Variants in NHSL2 observed in about 807,000 individuals in gnomAD.
The protein encoded by NHSL2 is NHS like 2, also known as NHS-like protein 2.
NHSL2 carries 27 observed loss-of-function variants against 53.4 expected under a neutral mutation model. That is an observed-to-expected ratio of 0.51 (90% CI 0.37 to 0.70). The LOEUF is 0.70. Among genes scored for constraint, NHSL2 ranks in the 30% least tolerant of loss-of-function variants. The pLI is 0.00. For synonymous variants in NHSL2, 408 were observed against 404.1 expected, an observed-to-expected ratio of 1.01 and a Z score of -0.12; for missense variants, 892 against 980.1, an observed-to-expected ratio of 0.91 and a Z score of 1.20.
At chrX:71,984,055 A>T (rs2041992277) in intron 1 of NHSL2, among the ~76,000 whole-genome samples, 1 of 111,257 alleles carries the variant, frequency 9.0e-6, no homozygotes, top group Admixed American at 9.5e-5. Context: ...TGTGGTTCAA[A>T]CACCTCTGAC....
At chrX:71,975,522 C>G in intron 1 of NHSL2, among the ~76,000 whole-genome samples, 1 of 111,234 alleles carries the variant, frequency 9.0e-6, no homozygotes, top group Admixed American at 9.6e-5. Context: ...CCCGTGATAC[C>G]CTCCTTTCCT....
At chrX:72,040,328 TACTAACTCAG>T (rs1486868453) in intron 1 of NHSL2, among the ~76,000 whole-genome samples, 1 of 112,344 alleles carries the variant, frequency 8.9e-6, no homozygotes, top group African/African-American at 3.2e-5. Flanking sequence ...CATACTCTCT[TACTAACTCAG>T]ACTAACAAAC....
chrX:71,957,591 AGGGG>A (rs950509266), intron 1 of NHSL2, among the ~76,000 whole-genome samples: 2 of 111,111 alleles, frequency 1.8e-5, no homozygotes, highest in Non-Finnish European at 3.8e-5. Context: ...GGAGGAAGGG[AGGGG>A]GGCCAGTTAC....
chrX:71,981,512 G>A (rs1158503787), intron 1 of NHSL2, among the ~76,000 whole-genome samples: 3 of 98,903 alleles, frequency 3.0e-5, no homozygotes, highest in African/African-American at 1.2e-4. Flanking sequence ...ACTCCAACCT[G>A]GGCAACAGAG....
At chrX:72,092,212 G>A (rs1375823651) in intron 1 of NHSL2, among the ~76,000 whole-genome samples, 3 of 111,675 alleles carry the variant, frequency 2.7e-5, no homozygotes, top group Non-Finnish European at 5.6e-5. Flanking sequence ...ACCCCTCCCT[G>A]GCAGCCACTG....
chrX:72,125,685 T>A (rs1464860386), intron 1 of NHSL2, among the ~76,000 whole-genome samples: 1 of 112,032 alleles, frequency 8.9e-6, no homozygotes, highest in East Asian at 2.8e-4. Flanking sequence ...TGTGATGTCA[T>A]AAGAAATCCC....
intron 1 of NHSL2, among the ~76,000 whole-genome samples, chrX:72,021,802 C>T (rs1169349679): frequency 9.0e-6 from 1 of 111,364 alleles, no homozygotes; most frequent in Non-Finnish European, 1.9e-5. Flanking sequence ...TCAGAGAAAC[C>T]CTCTTGCCTA....
At chrX:72,098,450 G>A (rs1254505042) in intron 1 of NHSL2, among the ~76,000 whole-genome samples, 30 of 110,143 alleles carry the variant, frequency 2.7e-4, no homozygotes, top group African/African-American at 9.2e-4. Flanking sequence ...GCGTGGTGGC[G>A]GGCGCCTGTA....
rs189213620 is a variant in NHSL2, at chrX:72,032,166, C to T, written c.281-99913C>T. Reference sequence around the variant, plus strand: ...CAACACTTTGGGAGGCCAAGTTGGGCGGATCACCTGAGGTCAGGAGTTCAA... The same window carrying T: ...CAACACTTTGGGAGGCCAAGTTGGGTGGATCACCTGAGGTCAGGAGTTCAA... On this transcript the variant is annotated intron_variant, in intron 1 of 7. Transcript: ENST00000633930. 5.9e-4 allele frequency among the ~76,000 whole-genome samples: 66 copies of T among 111,088 alleles called. No homozygotes were observed. In the Middle Eastern group the frequency reaches 0.014, roughly 24 times the overall value.
In NHSL2 at chrX:71,948,867, G is replaced by A. The variant is rs1176032308; in HGVS notation, c.280+37500G>A. Among the ~76,000 whole-genome samples, 59 of 89,776 alleles carry A rather than the reference G, an allele frequency of 6.6e-4. 1 individual carries two copies. The highest frequency in any genetic ancestry group is 2.3e-3 in the African/African-American group (58 of 25,554). 78.0% of individuals were successfully genotyped at this position (89,776 alleles called of 115,157 possible). A position where few individuals can be genotyped will look rare whatever the true frequency, so the allele number is the denominator to read the frequency against. ...TGTAGTTTTGTTTTTTTTTTTTTGA[G>A]ACAAGTTCTCTGTCACACAGGCTGA... On this transcript the variant is annotated intron_variant, in intron 1 of 7. Transcript: ENST00000633930.
chrX:71,991,457 A>G (rs1490668199), intron 1 of NHSL2, among the ~76,000 whole-genome samples: 2 of 112,967 alleles, frequency 1.8e-5, no homozygotes, highest in African/African-American at 6.4e-5. Flanking sequence ...AATATACAGC[A>G]GTCAGGCCAG....
rs1360559573 is a variant in NHSL2, at chrX:72,152,767, C to T, written c.*9193C>T. 5 of 112,565 alleles carry T rather than the reference C, an allele frequency of 4.4e-5. No individual in the cohort carries two copies. The Admixed American group carries it at 4.7e-4, about 11-fold the overall frequency. The allele number at this position is 112,565 out of a possible 1,213,427, so 9.3% of individuals were successfully genotyped here. A position where few individuals can be genotyped will look rare whatever the true frequency, so the allele number is the denominator to read the frequency against. Reference sequence around the variant, plus strand: ...CATCCATGAAACAGTTCCTTTATGCCTTCTGTTTAGGATTTCCAGAATTAG... The same window carrying T: ...CATCCATGAAACAGTTCCTTTATGCTTTCTGTTTAGGATTTCCAGAATTAG... On this transcript the variant is annotated 3_prime_UTR_variant, in exon 8 of 8. Transcript: ENST00000633930.
intron 1 of NHSL2, among the ~76,000 whole-genome samples, chrX:72,013,563 G>T: frequency 9.8e-6 from 1 of 102,286 alleles, no homozygotes. Flanking sequence ...TTATTACACT[G>T]GTTAGAACTT....
Position 72,139,923 on chromosome X carries a change from G to A in NHSL2, c.2375G>A (p.Ser792Asn). 5 of 1,210,853 alleles carry A rather than the reference G, an allele frequency of 4.1e-6. No individual in the cohort carries two copies. Among genetic ancestry groups the A allele is most frequent in the Non-Finnish European group, 3.4e-6 (3 of 894,960 alleles). ...TCTGGGATGAGTATCTCCATCCGAA[G>A]CAAAACTAAGGTGAGTCGGCACCAC... Reference protein sequence around the residue: ...DLSGMSISIRSKTKVSRHHSE... With the variant: ...DLSGMSISIRNKTKVSRHHSE... Residue 792 changes from serine (S) to asparagine (N), a missense_variant, in exon 6 of 8, where the codon AGC becomes AAC. Physicochemically the swap from Ser to Asn is conservative, Grantham distance 46 (BLOSUM62 1). Transcript: ENST00000633930.
intron 1 of NHSL2, among the ~76,000 whole-genome samples, chrX:71,945,636 A>G (rs1366874993): frequency 8.9e-6 from 1 of 112,004 alleles, no homozygotes; most frequent in South Asian, 3.7e-4. Flanking sequence ...TTCTCTCCTA[A>G]GAGTTTACTG....
intron 1 of NHSL2, among the ~76,000 whole-genome samples, chrX:72,103,075 C>G (rs1246269850): frequency 1.8e-5 from 2 of 112,160 alleles, no homozygotes; most frequent in East Asian, 5.6e-4. Flanking sequence ...CAGCAGACAT[C>G]TGGAGGAAAC....
At chrX:72,130,713 G>A in intron 1 of NHSL2, 1 of 1,211,948 alleles carries the variant, frequency 8.3e-7, no homozygotes, top group Non-Finnish European at 1.1e-6. Flanking sequence ...GGCCTTTGAG[G>A]AATTGGTTTT....
intron 1 of NHSL2, among the ~76,000 whole-genome samples, chrX:72,003,728 A>G (rs1191104817): frequency 1.8e-5 from 2 of 111,964 alleles, no homozygotes; most frequent in South Asian, 3.7e-4. Flanking sequence ...TGAACAATAA[A>G]CTATCATAGT....
chrX:72,125,507 C>T (rs1183100979), intron 1 of NHSL2, among the ~76,000 whole-genome samples: 12 of 111,967 alleles, frequency 1.1e-4, no homozygotes, highest in Non-Finnish European at 2.1e-4. Context: ...GGATGAGACT[C>T]ATGCCAGAGC....
Sources: allele counts gnomAD v4.1 joint callset (sites outside exome capture counted in the v4.1 genomes callset), GRCh38; gene constraint gnomAD v4.1.1; transcripts MANE v1.5; gene names NCBI Gene and HGNC (gene_info 2026-07-23, HGNC 2026-07-21).